Variants in PCDHGB4 observed in about 807,000 individuals in gnomAD.
PCDHGB4 encodes protocadherin gamma subfamily B, 4.
A neutral mutation model predicts 60.5 loss-of-function variants in PCDHGB4; 38 were observed. The observed-to-expected ratio is 0.63, with a 90% CI of 0.48 to 0.82. The LOEUF is 0.82. PCDHGB4 is among the 40% of genes least tolerant of loss of function. The pLI is 0.00. For synonymous variants in PCDHGB4, 456 were observed against 509.7 expected, an observed-to-expected ratio of 0.89 and a Z score of 1.42; for missense variants, 1,109 against 1,209.6, an observed-to-expected ratio of 0.92 and a Z score of 1.23.
At chr5:141,418,381 T>C in intron 1 of PCDHGB4, 3 of 1,613,998 alleles carry the variant, frequency 1.9e-6, no homozygotes, top group Non-Finnish European at 2.5e-6. Flanking sequence ...AACTAAGTCC[T>C]AACGAGTATT....
intron 1 of PCDHGB4, chr5:141,421,172 G>A: frequency 7.3e-7 from 1 of 1,366,164 alleles, no homozygotes; most frequent in Non-Finnish European, 9.8e-7. Context: ...AGATACATAA[G>A]CCGATTCACA....
rs1379095967 is a variant in PCDHGB4 at position 141,422,752 on chromosome 5, A to C, written c.2397+32471A>C. The C allele has an allele frequency of 6.2e-7, 1 of 1,612,064 alleles. No homozygotes were observed. The highest frequency in any genetic ancestry group is 1.3e-5 in the African/African-American group (1 of 74,892). On this transcript the variant is annotated intron_variant, in intron 1 of 3. Transcript: ENST00000519479. The stretch of plus-strand genomic sequence containing the variant: ...GCCTCTGTCCTCCTATGTCTCTATT[A>C]ACTCCAACACTGGTGTTCTCTATGC...
In PCDHGB4 at chr5:141,403,600, T is replaced by C. The variant is rs530169293; in HGVS notation, c.2397+13319T>C. 72 of 1,613,786 alleles carry C rather than the reference T, an allele frequency of 4.5e-5. 1 individual carries two copies. The East Asian group carries it at 1.6e-3, about 35-fold the overall frequency. On this transcript the variant is annotated intron_variant, in intron 1 of 3. Coordinates refer to ENST00000519479, the MANE Select transcript of PCDHGB4 (RefSeq NM_003736.4). ...ACCACCTGGTCCTCACGGCCTCGGATGGCGGCGAGCCGCGTCGCTCCAGCA... is the reference window on the plus strand; with the variant it reads ...ACCACCTGGTCCTCACGGCCTCGGACGGCGGCGAGCCGCGTCGCTCCAGCA...
At chr5:141,453,093 C>A (rs1408495535) in intron 1 of PCDHGB4, among the ~76,000 whole-genome samples, 1 of 151,928 alleles carries the variant, frequency 6.6e-6, no homozygotes, top group African/African-American at 2.4e-5. Context: ...AGTATATTTT[C>A]TGTTGCTTTT....
chr5:141,493,656 T>C lies in PCDHGB4; in HGVS notation c.2398-1151T>C, dbSNP rs1481871984. Among the ~76,000 whole-genome samples, 1 of 152,184 alleles carries C rather than the reference T, an allele frequency of 6.6e-6. No homozygotes were observed. Among genetic ancestry groups the C allele is most frequent in the African/African-American group, 2.4e-5 (1 of 41,454 alleles). ...CTGAGGGCTGGCCATCCCTGTGCCC[T>C]TCTCCATGGCAGCCCCAGAATGGTG... On this transcript the variant is annotated intron_variant, in intron 1 of 3. Coordinates refer to ENST00000519479, the MANE Select transcript of PCDHGB4 (RefSeq NM_003736.4). The surrounding 1 kb of genome is among the most constrained non-coding windows in gnomAD (Gnocchi z 4.3).
Position 141,476,610 on chromosome 5 carries a change from G to A in PCDHGB4, c.2398-18197G>A, listed in dbSNP as rs769858609. ...GAGAGCGCGCACGATCCCGATGTGGGAAGCAACTCTTTACAAACCTATGAG... is the reference window on the plus strand; with the variant it reads ...GAGAGCGCGCACGATCCCGATGTGGAAAGCAACTCTTTACAAACCTATGAG... On this transcript the variant is annotated intron_variant, in intron 1 of 3. Coordinates refer to ENST00000519479, the MANE Select transcript of PCDHGB4 (RefSeq NM_003736.4). The surrounding 1 kb of genome is among the most constrained non-coding windows in gnomAD (Gnocchi z 7.6). The A allele has an allele frequency of 1.2e-6, 2 of 1,614,262 alleles. No homozygotes were observed. The highest frequency in any genetic ancestry group is 3.3e-5 in the Admixed American group (2 of 60,036).
chr5:141,472,878 C>G (rs774209715), intron 1 of PCDHGB4, among the ~76,000 whole-genome samples: 1 of 146,132 alleles, frequency 6.8e-6, no homozygotes, highest in East Asian at 2.1e-4. Context: ...CCCAGCTACT[C>G]GGGAGGCTGA....
intron 1 of PCDHGB4, chr5:141,404,276 G>A (rs754510135): frequency 6.2e-7 from 1 of 1,613,992 alleles, no homozygotes; most frequent in Non-Finnish European, 8.5e-7. Context: ...CACCCTGCAA[G>A]TGACTGACAT....
chr5:141,468,845 A>G (rs1426852752), intron 1 of PCDHGB4, among the ~76,000 whole-genome samples: 3 of 152,150 alleles, frequency 2.0e-5, no homozygotes, highest in Non-Finnish European at 2.9e-5. Flanking sequence ...CAGCCTGGGC[A>G]ACAGAGCGAG....
chr5:141,481,689 C>T (rs1198127143), intron 1 of PCDHGB4, among the ~76,000 whole-genome samples: 1 of 152,102 alleles, frequency 6.6e-6, no homozygotes, highest in Non-Finnish European at 1.5e-5. Context: ...CCTGGTGGCT[C>T]ACGCCTGTAA....
intron 1 of PCDHGB4, among the ~76,000 whole-genome samples, chr5:141,397,239 G>A (rs563338293): frequency 1.8e-4 from 27 of 152,262 alleles, no homozygotes; most frequent in Non-Finnish European, 3.4e-4. Flanking sequence ...GAAGAGCAAC[G>A]TAGTAGGGTA....
chr5:141,395,097 G>A lies in PCDHGB4; in HGVS notation c.2397+4816G>A, dbSNP rs376460647. The A allele has an allele frequency of 1.3e-5, 21 of 1,614,040 alleles. No homozygotes were observed. Among genetic ancestry groups the A allele is most frequent in the Non-Finnish European group, 1.7e-5 (20 of 1,180,038 alleles). On this transcript the variant is annotated intron_variant, in intron 1 of 3. Coordinates refer to ENST00000519479, the MANE Select transcript of PCDHGB4 (RefSeq NM_003736.4). ...TTCCCAGGAAGTCTCCCTCACCGCC[G>A]ACTCGCGGAAGAGTCACCTGATCTT...
chr5:141,436,040 C>T (rs989038133), intron 1 of PCDHGB4, among the ~76,000 whole-genome samples: 1 of 152,060 alleles, frequency 6.6e-6, no homozygotes, highest in African/African-American at 2.4e-5. Context: ...TTTGTATTTA[C>T]ATTAGTTTTC....
intron 1 of PCDHGB4, among the ~76,000 whole-genome samples, chr5:141,482,981 A>T (rs1377809325): frequency 6.7e-6 from 1 of 150,250 alleles, no homozygotes; most frequent in Admixed American, 6.6e-5. Flanking sequence ...GCTACTTGAG[A>T]GGTCGAGGCA....
rs1562157859 is a variant in PCDHGB4 at position 141,493,022 on chromosome 5, G to GTGCC, written c.2398-1784_2398-1781dup. Among the ~76,000 whole-genome samples, 2 of 152,222 alleles carry GTGCC rather than the reference G, an allele frequency of 1.3e-5. No homozygotes were observed. Among genetic ancestry groups the GTGCC allele is most frequent in the African/African-American group, 4.8e-5 (2 of 41,454 alleles). ...GCTATAGGCTCTGCCAGATGCCAGG[G>GTGCC]TGCCCTTATGTGTGAGGAAACTACA... On this transcript the variant is annotated intron_variant, in intron 1 of 3. Coordinates refer to ENST00000519479, the MANE Select transcript of PCDHGB4 (RefSeq NM_003736.4). The surrounding 1 kb of genome is among the most constrained non-coding windows in gnomAD (Gnocchi z 4.3).
At chr5:141,437,660 G>A (rs1021986333) in intron 1 of PCDHGB4, among the ~76,000 whole-genome samples, 6 of 151,866 alleles carry the variant, frequency 4.0e-5, no homozygotes, top group Non-Finnish European at 5.9e-5. Flanking sequence ...ACATAGTTTC[G>A]AAGAGATGTT....
At chr5:141,450,835 T>TATTA (rs1438371595) in intron 1 of PCDHGB4, among the ~76,000 whole-genome samples, 1 of 142,096 alleles carries the variant, frequency 7.0e-6, no homozygotes, top group Admixed American at 6.9e-5. Context: ...TATTATTTTT[T>TATTA]TTTTTTTGAG....
Position 141,489,214 on chromosome 5 carries a change from T to TA in PCDHGB4, c.2398-5592dup, listed in dbSNP as rs771766565. On this transcript the variant is annotated intron_variant, in intron 1 of 3. Transcript: ENST00000519479. This position sits in a 1 kb window ranked among gnomAD's most constrained non-coding sequence, Gnocchi z 4.5. ...CCTTGGAGACAGGACAGCACAGACTTACTCTCCACAAAGGGACTTCTGGGT... is the reference window on the plus strand; with the variant it reads ...CCTTGGAGACAGGACAGCACAGACTTAACTCTCCACAAAGGGACTTCTGGGT... 216 of 1,480,534 alleles carry TA rather than the reference T, an allele frequency of 1.5e-4. 4 individuals are homozygous for TA. The South Asian group carries it at 2.1e-3, about 14-fold the overall frequency. 91.7% of individuals were successfully genotyped at this position (1,480,534 alleles called of 1,614,324 possible).
In PCDHGB4 at chr5:141,426,967, T is replaced by C. The variant is rs151241654; in HGVS notation, c.2397+36686T>C. 124 of 456,702 alleles carry C rather than the reference T, an allele frequency of 2.7e-4. 1 individual carries two copies. The highest frequency in any genetic ancestry group is 2.1e-3 in the African/African-American group (103 of 50,178). 28.3% of individuals were successfully genotyped at this position (456,702 alleles called of 1,614,324 possible). A position where few individuals can be genotyped will look rare whatever the true frequency, so the allele number is the denominator to read the frequency against. On this transcript the variant is annotated intron_variant, in intron 1 of 3. Coordinates refer to ENST00000519479, the MANE Select transcript of PCDHGB4 (RefSeq NM_003736.4). ...CCAACTGGCACTGCTGCAATTCAAA[T>C]TGAGGTCACTGATGCCAACGATAAT... is the stretch of plus-strand genomic sequence containing the variant.
Sources: allele counts gnomAD v4.1 joint callset (sites outside exome capture counted in the v4.1 genomes callset), GRCh38; gene constraint gnomAD v4.1.1; non-coding constraint Gnocchi (gnomAD v3.1); transcripts MANE v1.5; gene names NCBI Gene and HGNC (gene_info 2026-07-23, HGNC 2026-07-21).